PUDP: variants seen among roughly 807,000 people sequenced by gnomAD.
PUDP encodes the protein pseudouridine-5'-phosphatase.
A neutral mutation model predicts 9.4 loss-of-function variants in PUDP; 8 were observed. The ratio of observed to expected loss-of-function variants is 0.85; its 90% CI spans 0.50 to 1.53. The LOEUF (loss-of-function observed/expected upper bound fraction) is 1.53. Ranked by LOEUF, PUDP falls within the 40% of genes most tolerant of loss-of-function variation. The pLI, the probability that PUDP is intolerant of heterozygous loss-of-function variation, is 0.00. For missense variants in PUDP, 188 were observed against 189.7 expected (o/e 0.99, Z 0.05); for synonymous variants, 99 against 80.7 (o/e 1.23, Z -1.22).
Position 6,879,690 on chromosome X carries a change from A to C in PUDP, c.*247+97443T>G, listed in dbSNP as rs1029442451. The stretch of plus-strand genomic sequence containing the variant: ...AAGTAAAGTGGGTTTGTTACTTTCA[A>C]CTAGGCAGCAAGAAGCAATAGAAGC... On this transcript the variant is annotated intron_variant and NMD_transcript_variant, in intron 3 of 3. Coordinates refer to the PUDP transcript ENST00000655425. Among the ~76,000 whole-genome samples the C allele has an allele frequency of 2.7e-5, 3 of 111,537 alleles. No individual in the cohort carries two copies. The Admixed American group carries it at 2.9e-4, about 11-fold the overall frequency.
rs769816562 is a variant in PUDP, at chrX:6,738,093, A to G, written c.*248-31627T>C. The stretch of plus-strand genomic sequence containing the variant: ...ACCCTAGAAAACCTTGGACAATGCT[A>G]GCAGATGCAGGTGCAGGCAGTGCTT... On this transcript the variant is annotated intron_variant and NMD_transcript_variant, in intron 3 of 3. Transcript: ENST00000655425. Among the ~76,000 whole-genome samples the G allele has an allele frequency of 2.7e-5, 3 of 111,592 alleles. No individual in the cohort carries two copies. In the East Asian group the frequency reaches 8.5e-4, roughly 32 times the overall value.
At chrX:6,982,163 C>T (rs1241094099) in intron 1 of PUDP, among the ~76,000 whole-genome samples, 2 of 109,928 alleles carry the variant, frequency 1.8e-5, no homozygotes, top group Non-Finnish European at 3.8e-5. Flanking sequence ...TTAGAACTTA[C>T]GGAGCCACAC....
At chrX:6,904,397 A>G (rs1927738043) in intron 3 of PUDP, among the ~76,000 whole-genome samples, 2 of 111,140 alleles carry the variant, frequency 1.8e-5, no homozygotes, top group Non-Finnish European at 3.8e-5. Flanking sequence ...ATGCTCCGAA[A>G]CAGCCTACAA....
At chrX:7,084,469 A>G (rs1931205045) in intron 2 of PUDP, among the ~76,000 whole-genome samples, 1 of 111,763 alleles carries the variant, frequency 8.9e-6, no homozygotes, top group Admixed American at 9.5e-5. Context: ...TTTCAGATAC[A>G]TAGTGGGAAG....
intron 3 of PUDP, among the ~76,000 whole-genome samples, chrX:6,871,685 G>T (rs1424043174): frequency 3.6e-5 from 4 of 111,104 alleles, no homozygotes; most frequent in Non-Finnish European, 5.7e-5. Context: ...GCCCTTGTTT[G>T]CTCCAGAATG....
intron 1 of PUDP, among the ~76,000 whole-genome samples, chrX:7,036,275 G>T (rs1929851866): frequency 9.0e-6 from 1 of 111,098 alleles, no homozygotes; most frequent in South Asian, 3.8e-4. Context: ...CTAGGTTTTT[G>T]TTTTTTTTGA....
At chrX:7,147,170 G>A (rs1390125325) in intron 1 of PUDP, among the ~76,000 whole-genome samples, 1 of 110,747 alleles carries the variant, frequency 9.0e-6, no homozygotes, top group African/African-American at 3.3e-5. Context: ...TAATGCCTCG[G>A]ATTGATAGAG....
At chrX:6,767,389 T>A (rs1371450756) in intron 3 of PUDP, among the ~76,000 whole-genome samples, 1 of 112,824 alleles carries the variant, frequency 8.9e-6, no homozygotes, top group Non-Finnish European at 1.9e-5. Flanking sequence ...CCCTGCAATG[T>A]CCTGAATGGA....
chrX:6,830,939 G>A (rs914071830), intron 3 of PUDP, among the ~76,000 whole-genome samples: 4 of 112,060 alleles, frequency 3.6e-5, no homozygotes, highest in African/African-American at 6.5e-5. Flanking sequence ...CACAGAGCCG[G>A]CTGTACAGGA....
intron 3 of PUDP, among the ~76,000 whole-genome samples, chrX:6,896,136 G>A (rs770742527): frequency 8.3e-4 from 93 of 112,022 alleles, no homozygotes; most frequent in African/African-American, 3.0e-3. Context: ...TCAACAGGCA[G>A]GAGTTTAGAA....
chrX:6,734,208 A>G (rs939125699), intron 3 of PUDP, among the ~76,000 whole-genome samples: 3 of 111,833 alleles, frequency 2.7e-5, no homozygotes, highest in Non-Finnish European at 5.6e-5. Context: ...GGGAAGAAAC[A>G]GGGAGGTGTT....
intron 3 of PUDP, among the ~76,000 whole-genome samples, chrX:6,915,681 C>A (rs907890160): frequency 2.7e-5 from 3 of 111,696 alleles, no homozygotes; most frequent in Non-Finnish European, 3.8e-5. Flanking sequence ...GTTTTGTTTA[C>A]CCTACCTAAA....
intron 3 of PUDP, among the ~76,000 whole-genome samples, chrX:6,750,619 G>C (rs987443004): frequency 1.8e-5 from 2 of 111,402 alleles, no homozygotes; most frequent in African/African-American, 6.5e-5. Context: ...CTGGGGGTTT[G>C]CATTTCCCTC....
At chrX:6,730,405 G>A (rs902059059) in intron 3 of PUDP, among the ~76,000 whole-genome samples, 6 of 112,393 alleles carry the variant, frequency 5.3e-5, no homozygotes, top group Non-Finnish European at 7.5e-5. Flanking sequence ...CACACAAGAT[G>A]TGTGTTCTTA....
At chrX:7,026,819 C>T (rs1929717928) in intron 1 of PUDP, among the ~76,000 whole-genome samples, 1 of 111,433 alleles carries the variant, frequency 9.0e-6, no homozygotes, top group South Asian at 3.8e-4. Context: ...AGACGATGTC[C>T]CACAGCAAAG....
intron 3 of PUDP, among the ~76,000 whole-genome samples, chrX:6,864,983 G>A (rs192548835): frequency 1.8e-5 from 2 of 111,801 alleles, no homozygotes; most frequent in East Asian, 5.6e-4. Context: ...GGGGATAGAG[G>A]TGTCATTATT....
chrX:6,902,205 A>G (rs753128095), intron 3 of PUDP, among the ~76,000 whole-genome samples: 12 of 112,108 alleles, frequency 1.1e-4, no homozygotes, highest in African/African-American at 3.6e-4. Flanking sequence ...TGGGTTTCAT[A>G]ACTGGTAAAC....
At chrX:6,872,885 G>A (rs1177479122) in intron 3 of PUDP, among the ~76,000 whole-genome samples, 2 of 110,467 alleles carry the variant, frequency 1.8e-5, no homozygotes, top group Non-Finnish European at 3.8e-5. Flanking sequence ...CTAGCGATAC[G>A]AGGTATCCCC....
chrX:6,913,864 A>G (rs1057146723), intron 3 of PUDP, among the ~76,000 whole-genome samples: 1 of 111,211 alleles, frequency 9.0e-6, no homozygotes, highest in Non-Finnish European at 1.9e-5. Flanking sequence ...GAAATATTAT[A>G]CAAATGAAGA....
Sources: allele counts gnomAD v4.1 joint callset (sites outside exome capture counted in the v4.1 genomes callset), GRCh38; gene constraint gnomAD v4.1.1; transcripts MANE v1.5; gene names NCBI Gene and HGNC (gene_info 2026-07-23, HGNC 2026-07-21).